The following CRYL1 variants were observed in gnomAD, a reference collection of about 807,000 sequenced individuals.
The protein encoded by CRYL1 is crystallin lambda 1.
Under a neutral mutation model 36.6 loss-of-function variants are expected in CRYL1, and 29 were observed. The ratio of observed to expected loss-of-function variants is 0.79; its 90% CI spans 0.59 to 1.08. CRYL1 has a LOEUF of 1.08. Among genes scored for constraint, CRYL1 ranks in the 50% least tolerant of loss-of-function variants. The pLI is 0.00. For synonymous variants in CRYL1, 152 were observed against 151.5 expected (o/e 1.00, Z -0.02); for missense variants, 411 against 407.9 (o/e 1.01, Z -0.06).
At chr13:20,442,823 T>G (rs1191687602) in intron 3 of CRYL1, among the ~76,000 whole-genome samples, 6 of 152,224 alleles carry the variant, frequency 3.9e-5, no homozygotes, top group Admixed American at 6.5e-5. Flanking sequence ...ACACAACTCA[T>G]GACAAATAAT....
chr13:20,419,467 T>C (rs2031749313), intron 5 of CRYL1, among the ~76,000 whole-genome samples: 2 of 151,928 alleles, frequency 1.3e-5, no homozygotes, highest in African/African-American at 4.9e-5. Context: ...TAATTTTGTA[T>C]TTTTAGTAGA....
chr13:20,475,329 T>C (rs1288700779), intron 3 of CRYL1, among the ~76,000 whole-genome samples: 1 of 152,186 alleles, frequency 6.6e-6, no homozygotes, highest in Non-Finnish European at 1.5e-5. Context: ...ACCTTTGGGC[T>C]CTGGGGTGAG....
In CRYL1 at chr13:20,525,080, C is replaced by G. The variant is rs1434018514; in HGVS notation, c.41+674G>C. On this transcript the variant is annotated intron_variant, in intron 1 of 7. Transcript: ENST00000298248. The surrounding 1 kb of genome is among the most constrained non-coding windows in gnomAD (Gnocchi z 4.3). ...GGTGGGGGAAGCACACACTAAAAAT[C>G]AGTTTGGGCAGAATTTAAGCTGTTA... 1.3e-5 allele frequency among the ~76,000 whole-genome samples: 2 copies of G among 152,068 alleles called. No homozygotes were observed. The highest frequency in any genetic ancestry group is 4.8e-5 in the African/African-American group (2 of 41,408).
intron 2 of CRYL1, among the ~76,000 whole-genome samples, chr13:20,495,705 T>C (rs2033593073): frequency 6.6e-6 from 1 of 152,176 alleles, no homozygotes; most frequent in Non-Finnish European, 1.5e-5. Context: ...CCTAGCAGTG[T>C]TGTCAACAAC....
rs34898995 is a variant in CRYL1 at position 20,478,921 on chromosome 13, A to AT, written c.276+10448dup. Among the ~76,000 whole-genome samples the AT allele has an allele frequency of 7.0e-3, 1,021 of 145,792 alleles. 5 individuals are homozygous for AT. Among genetic ancestry groups the AT allele is most frequent in the African/African-American group, 0.021 (819 of 39,580 alleles). On this transcript the variant is annotated intron_variant, in intron 3 of 7. Coordinates refer to ENST00000298248, the MANE Select transcript of CRYL1 (RefSeq NM_015974.3). ...GCATGCGCCACACCAAGCCCAGCTA[A>AT]TTTTTTTTTTTTTTTGTATTTTAGT...
chr13:20,495,668 G>A (rs922046789), intron 2 of CRYL1, among the ~76,000 whole-genome samples: 4 of 152,168 alleles, frequency 2.6e-5, no homozygotes, highest in African/African-American at 4.8e-5. Flanking sequence ...AAGCGGGATC[G>A]CAAAGAGAGA....
chr13:20,436,858 G>A (rs2032228597), intron 4 of CRYL1, among the ~76,000 whole-genome samples: 2 of 152,010 alleles, frequency 1.3e-5, no homozygotes, highest in African/African-American at 4.8e-5. Context: ...TGAAACAAAG[G>A]GCCCCAAGCA....
intron 3 of CRYL1, among the ~76,000 whole-genome samples, chr13:20,443,331 A>C (rs2032386112): frequency 1.3e-5 from 2 of 152,150 alleles, no homozygotes; most frequent in African/African-American, 4.8e-5. Context: ...ATGGTGAAAA[A>C]AAAATTCTGT....
chr13:20,507,656 C>T (rs955314734), intron 2 of CRYL1, among the ~76,000 whole-genome samples: 5 of 152,350 alleles, frequency 3.3e-5, no homozygotes, highest in East Asian at 1.9e-4. Flanking sequence ...CAGTGGCTCA[C>T]ACCTGTAATC....
At chr13:20,485,657 A>T (rs913721767) in intron 3 of CRYL1, among the ~76,000 whole-genome samples, 7 of 146,042 alleles carry the variant, frequency 4.8e-5, no homozygotes, top group Non-Finnish European at 1.0e-4. Context: ...CAACAGAGCC[A>T]GACTCCATCT....
At chr13:20,448,746 C>CT (rs1344541027) in intron 3 of CRYL1, among the ~76,000 whole-genome samples, 2 of 152,142 alleles carry the variant, frequency 1.3e-5, no homozygotes, top group African/African-American at 4.8e-5. Flanking sequence ...GAAATTAAAA[C>CT]TATTCTGAGA....
intron 3 of CRYL1, among the ~76,000 whole-genome samples, chr13:20,485,012 TTTGTTG>T (rs920124290): frequency 6.6e-6 from 1 of 151,834 alleles, no homozygotes; most frequent in African/African-American, 2.4e-5. Flanking sequence ...TGCACTAGGT[TTTGTTG>T]TTGTTGTTGT....
chr13:20,497,766 CACTACACACACCACCATACACACA>C (rs1204026015), intron 2 of CRYL1, among the ~76,000 whole-genome samples: 1 of 150,078 alleles, frequency 6.7e-6, no homozygotes, highest in Non-Finnish European at 1.5e-5. Context: ...CTCATATACA[CACTACACACACCACCATACACACA>C]ACTACACACA....
chr13:20,512,735 A>G (rs1252890695), intron 1 of CRYL1, among the ~76,000 whole-genome samples, 185 bp from the exon 2 acceptor site: 3 of 152,218 alleles, frequency 2.0e-5, no homozygotes, highest in African/African-American at 7.2e-5. Flanking sequence ...CACTCATGTG[A>G]AAGCTGAAAA....
At chr13:20,494,575 A>C (rs11147743) in intron 2 of CRYL1, among the ~76,000 whole-genome samples, 31,547 of 152,162 alleles carry the variant, frequency 0.21, 3,464 homozygotes, top group East Asian at 0.3. Flanking sequence ...TGAGCGCCTG[A>C]TGTGCTCAAA....
chr13:20,480,547 AC>A (rs1348435599), intron 3 of CRYL1, among the ~76,000 whole-genome samples: 5 of 152,242 alleles, frequency 3.3e-5, no homozygotes, highest in African/African-American at 1.2e-4. Context: ...CTGCTCCAGC[AC>A]ACATAACTTC....
intron 3 of CRYL1, among the ~76,000 whole-genome samples, chr13:20,487,030 T>C (rs879730130): frequency 6.6e-6 from 1 of 152,144 alleles, no homozygotes; most frequent in Non-Finnish European, 1.5e-5. Flanking sequence ...TTCACCACTT[T>C]ATAAAAAACA....
rs2032780753 is a variant in CRYL1 at position 20,460,284 on chromosome 13, T to C, written c.277-20530A>G. 2.6e-5 allele frequency among the ~76,000 whole-genome samples: 4 copies of C among 152,210 alleles called. 1 individual carries two copies. The highest frequency in any genetic ancestry group is 2.6e-4 in the Admixed American group (4 of 15,280). ...GTGTGTGTATATACATAGATATAAA[T>C]GCTGCCTCCATATATAGAAAGAGTC... On this transcript the variant is annotated intron_variant, in intron 3 of 7. Coordinates refer to ENST00000298248, the MANE Select transcript of CRYL1 (RefSeq NM_015974.3).
At chr13:20,427,494 A>T (rs1346321019) in intron 5 of CRYL1, among the ~76,000 whole-genome samples, 1 of 152,098 alleles carries the variant, frequency 6.6e-6, no homozygotes, top group Non-Finnish European at 1.5e-5. Context: ...CCACAAAGAC[A>T]AGAAAAGAAA....
Sources: gnomAD v4.1 joint callset for allele counts (sites outside exome capture counted in the v4.1 genomes callset) on GRCh38, gnomAD v4.1.1 for gene constraint, Gnocchi (gnomAD v3.1) non-coding constraint, MANE v1.5 for transcripts, NCBI Gene and HGNC (gene_info 2026-07-23, HGNC 2026-07-21) for gene names.